Variants in ELAPOR2 observed in about 807,000 individuals in gnomAD.
ELAPOR2 encodes endosome/lysosome-associated apoptosis and autophagy regulator family member 2.
In ELAPOR2, 89 loss-of-function variants were observed where a neutral mutation model predicts 120.7. The ratio of observed to expected loss-of-function variants is 0.74; its 90% CI spans 0.62 to 0.88. The LOEUF (loss-of-function observed/expected upper bound fraction) is 0.88. Among genes scored for constraint, ELAPOR2 ranks in the 40% least tolerant of loss-of-function variants. The pLI, the probability that ELAPOR2 is intolerant of heterozygous loss-of-function variation, is 0.00. For synonymous variants in ELAPOR2, 444 were observed against 444.9 expected (o/e 1.00, Z 0.03); for missense variants, 1,134 against 1,251.6 (o/e 0.91, Z 1.42).
chr7:86,886,358 G>A (rs898317492), intron 21 of ELAPOR2, among the ~76,000 whole-genome samples: 28 of 152,028 alleles, frequency 1.8e-4, no homozygotes, highest in African/African-American at 6.3e-4. Flanking sequence ...AACAGGCTAT[G>A]TTAAAAGCTG....
intron 1 of ELAPOR2, among the ~76,000 whole-genome samples, chr7:87,044,004 C>A (rs1794865987): frequency 6.8e-6 from 1 of 147,424 alleles, no homozygotes; most frequent in South Asian, 2.2e-4. Flanking sequence ...CTCCCATTCA[C>A]AATTGCTTCA....
chr7:87,044,497 G>A (rs1420101608), intron 1 of ELAPOR2, among the ~76,000 whole-genome samples: 1 of 131,948 alleles, frequency 7.6e-6, no homozygotes, highest in African/African-American at 3.0e-5. Context: ...AGAAAAACAA[G>A]CAATGGGGAA....
chr7:86,924,517 G>GAA (rs920524378), intron 10 of ELAPOR2, among the ~76,000 whole-genome samples: 1 of 145,758 alleles, frequency 6.9e-6, no homozygotes, highest in Non-Finnish European at 1.5e-5. Flanking sequence ...GACATTTTAG[G>GAA]AAAAAAAAAA....
chr7:86,891,901 T>C lies in ELAPOR2; in HGVS notation c.2865-12A>G. On this transcript the variant is annotated splice_polypyrimidine_tract_variant and intron_variant, in intron 20 of 21. Coordinates refer to ENST00000450689, the MANE Select transcript of ELAPOR2 (RefSeq NM_001142749.3). ...ATTTGTATTCCAGTCTAAATAGTGA[T>C]AAAATAAATAAACAAATAAGTATCC... The C allele has an allele frequency of 6.7e-7, 1 of 1,492,654 alleles. No homozygotes were observed. Among genetic ancestry groups the C allele is most frequent in the Non-Finnish European group, 9.2e-7 (1 of 1,091,348 alleles). The allele number at this position is 1,492,654 out of a possible 1,614,324, so 92.5% of individuals were successfully genotyped here.
At chr7:86,916,131 G>A (rs1455898769) in intron 12 of ELAPOR2, among the ~76,000 whole-genome samples, 1 of 152,144 alleles carries the variant, frequency 6.6e-6, no homozygotes. Flanking sequence ...GAAAGCTCTA[G>A]GATTGATTCC....
intron 1 of ELAPOR2, among the ~76,000 whole-genome samples, chr7:87,011,796 G>C (rs1793689855): frequency 6.6e-6 from 1 of 152,098 alleles, no homozygotes; most frequent in Non-Finnish European, 1.5e-5. Flanking sequence ...AAAGATGACA[G>C]AAACAAAAGA....
At chr7:86,972,743 C>T (rs1260152295) in intron 1 of ELAPOR2, among the ~76,000 whole-genome samples, 1 of 151,782 alleles carries the variant, frequency 6.6e-6, no homozygotes, top group African/African-American at 2.4e-5. Flanking sequence ...CCACCACCCC[C>T]AAAGACTAGC....
chr7:87,052,676 A>G (rs1795144427), intron 1 of ELAPOR2, among the ~76,000 whole-genome samples: 1 of 152,232 alleles, frequency 6.6e-6, no homozygotes, highest in African/African-American at 2.4e-5. Flanking sequence ...GAGCTCATAA[A>G]AGCAACATTT....
At chr7:87,035,302 C>G (rs886471827) in intron 1 of ELAPOR2, among the ~76,000 whole-genome samples, 1 of 152,140 alleles carries the variant, frequency 6.6e-6, no homozygotes, top group African/African-American at 2.4e-5. Flanking sequence ...AAAGAAGCAG[C>G]TCTGCAATTT....
At chr7:86,883,801 T>C (rs940384713) in intron 21 of ELAPOR2, among the ~76,000 whole-genome samples, 1 of 152,182 alleles carries the variant, frequency 6.6e-6, no homozygotes, top group Non-Finnish European at 1.5e-5. Context: ...GTGTTCTATA[T>C]CTTGATAGGA....
chr7:87,012,710 A>G (rs1220224628), intron 1 of ELAPOR2, among the ~76,000 whole-genome samples: 2 of 152,210 alleles, frequency 1.3e-5, no homozygotes, highest in African/African-American at 2.4e-5. Flanking sequence ...ATAGGAGTTA[A>G]TCTCATGTTA....
chr7:87,043,641 C>T (rs1306325653), intron 1 of ELAPOR2, among the ~76,000 whole-genome samples: 2 of 147,190 alleles, frequency 1.4e-5, no homozygotes, highest in Non-Finnish European at 3.0e-5. Flanking sequence ...TATGACAAAC[C>T]CACAGCCAAT....
chr7:87,032,686 G>A (rs2116737596), intron 1 of ELAPOR2, among the ~76,000 whole-genome samples: 1 of 152,262 alleles, frequency 6.6e-6, no homozygotes, highest in South Asian at 2.1e-4. Flanking sequence ...AAGAACCACA[G>A]ACAGCTCTGT....
intron 1 of ELAPOR2, among the ~76,000 whole-genome samples, chr7:87,024,219 T>A (rs1486689645): frequency 6.6e-6 from 1 of 152,206 alleles, no homozygotes; most frequent in Non-Finnish European, 1.5e-5. Context: ...ATAGCTCTCA[T>A]TATTTTGAGA....
intron 21 of ELAPOR2, among the ~76,000 whole-genome samples, chr7:86,886,696 C>A (rs890962231): frequency 1.3e-5 from 2 of 152,264 alleles, no homozygotes; most frequent in East Asian, 3.9e-4. Flanking sequence ...GGCATATATT[C>A]AAGAATGCAG....
At chr7:86,887,644 G>C (rs989787626) in intron 21 of ELAPOR2, among the ~76,000 whole-genome samples, 13 of 152,012 alleles carry the variant, frequency 8.6e-5, no homozygotes, top group Admixed American at 4.6e-4. Context: ...TGAGAGTAGA[G>C]GTATTCAGCG....
chr7:86,944,929 A>T lies in ELAPOR2; in HGVS notation c.624T>A (p.Tyr208Ter). Reference protein sequence around the residue: ...KSGYVFFEYQYVDNNIFFEFF... With the variant: ...KSGYVFFEYQ ...ACTCAAAGAAGATGTTGTTGTCGAC[A>T]TACTGGTACTCAAAGAAGACATAGC... The change falls in exon 4 of 22, where the codon TAT (tyrosine) becomes TAA (stop). Residue 208 changes from tyrosine to a stop codon, truncating the protein, a stop_gained. Transcript: ENST00000450689. LOFTEE classifies it high-confidence loss of function. 2 of 1,549,548 alleles carry T rather than the reference A, an allele frequency of 1.3e-6. No homozygotes were observed. The highest frequency in any genetic ancestry group is 1.7e-6 in the Non-Finnish European group (2 of 1,146,322).
intron 17 of ELAPOR2, 31 bp downstream of exon 17, chr7:86,908,416 T>C: frequency 8.4e-7 from 1 of 1,188,858 alleles, no homozygotes; most frequent in African/African-American, 1.6e-5. Flanking sequence ...TTGGTTAAAA[T>C]ATAGTCAAGG....
intron 1 of ELAPOR2, among the ~76,000 whole-genome samples, chr7:87,052,750 T>A (rs1795146394): frequency 6.6e-6 from 1 of 150,840 alleles, no homozygotes; most frequent in African/African-American, 2.4e-5. Flanking sequence ...TCAACTTCAG[T>A]ATATTCTGAT....
Sources: allele counts gnomAD v4.1 joint callset (sites outside exome capture counted in the v4.1 genomes callset), GRCh38; gene constraint gnomAD v4.1.1; transcripts MANE v1.5; gene names NCBI Gene and HGNC (gene_info 2026-07-23, HGNC 2026-07-21).